Variants in CAMTA1 observed in about 807,000 individuals in gnomAD.
CAMTA1 encodes the protein calmodulin-binding transcription activator 1.
CAMTA1 carries 27 observed loss-of-function variants against 170.9 expected under a neutral mutation model. The observed-to-expected ratio is 0.16, with a 90% CI of 0.12 to 0.22. CAMTA1 has a LOEUF of 0.22. Among genes scored for constraint, CAMTA1 ranks in the 10% least tolerant of loss-of-function variants. CAMTA1 has a pLI of 1.00. For missense variants in CAMTA1, 1,619 were observed against 2,217.2 expected, an observed-to-expected ratio of 0.73 and a Z score of 5.42; for synonymous variants, 833 against 891.5, an observed-to-expected ratio of 0.93 and a Z score of 1.17.
intron 5 of CAMTA1, among the ~76,000 whole-genome samples, chr1:7,459,918 G>A (rs927338108): frequency 6.6e-6 from 1 of 152,246 alleles, no homozygotes; most frequent in Non-Finnish European, 1.5e-5. Flanking sequence ...CAAAGTTCTA[G>A]TCCTGAGCCT....
intron 3 of CAMTA1, among the ~76,000 whole-genome samples, chr1:7,003,372 T>C (rs567413789): frequency 1.1e-4 from 16 of 152,376 alleles, no homozygotes; most frequent in African/African-American, 3.8e-4. Context: ...ATTTGTATGC[T>C]TTGATTCTGC....
At chr1:7,218,481 C>T (rs554737606) in intron 4 of CAMTA1, among the ~76,000 whole-genome samples, 2 of 151,940 alleles carry the variant, frequency 1.3e-5, no homozygotes, top group Non-Finnish European at 2.9e-5. Context: ...GGGGGAGGGG[C>T]GGGAGGAGTT....
intron 10 of CAMTA1, chr1:7,671,982 T>C (rs896228646): frequency 1.1e-5 from 5 of 455,914 alleles, no homozygotes; most frequent in Non-Finnish European, 2.2e-5. Context: ...GAAGCCTGTT[T>C]CTAGAGCTCA....
In CAMTA1 at chr1:7,685,385, T is replaced by C. The variant is rs998107412; in HGVS notation, c.2914+7652T>C. Among the ~76,000 whole-genome samples the C allele has an allele frequency of 6.6e-6, 1 of 152,168 alleles. No homozygotes were observed. On this transcript the variant is annotated intron_variant, in intron 11 of 22. Transcript: ENST00000303635. The surrounding 1 kb of genome is among the most constrained non-coding windows in gnomAD (Gnocchi z 5.7). ...GATAGGGCGGCCTCCCACAGCCACC[T>C]GCCATGAACACACTGACCAGCTTGG... is the stretch of plus-strand genomic sequence containing the variant.
intron 3 of CAMTA1, among the ~76,000 whole-genome samples, chr1:6,898,311 T>C (rs1455034428): frequency 6.6e-6 from 1 of 152,164 alleles, no homozygotes; most frequent in African/African-American, 2.4e-5. Context: ...CTCAGCACTC[T>C]GGGAGGCCGA....
chr1:7,456,998 C>T lies in CAMTA1; in HGVS notation c.439-10832C>T, dbSNP rs1168461932. Among the ~76,000 whole-genome samples the T allele has an allele frequency of 6.6e-6, 1 of 151,456 alleles. No individual in the cohort carries two copies. The highest frequency in any genetic ancestry group is 1.5e-5 in the Non-Finnish European group (1 of 67,934). On this transcript the variant is annotated intron_variant, in intron 5 of 22. Coordinates refer to ENST00000303635, the MANE Select transcript of CAMTA1 (RefSeq NM_015215.4). This position sits in a 1 kb window ranked among gnomAD's most constrained non-coding sequence, Gnocchi z 4.9. ...GTTCGGCGCCGCCCTCCCGTTCCTC[C>T]TCCCTCCCATTCTTCCTCCCTCCCT...
Position 6,934,630 on chromosome 1 carries a change from C to G in CAMTA1, c.234+109420C>G, listed in dbSNP as rs2149389276. 6.6e-6 allele frequency among the ~76,000 whole-genome samples: 1 copy of G among 152,306 alleles called. No homozygotes were observed. The highest frequency in any genetic ancestry group is 1.5e-5 in the Non-Finnish European group (1 of 68,020). On this transcript the variant is annotated intron_variant, in intron 3 of 22. Coordinates refer to ENST00000303635, the MANE Select transcript of CAMTA1 (RefSeq NM_015215.4). The surrounding 1 kb of genome is among the most constrained non-coding windows in gnomAD (Gnocchi z 4.5). ...CCTTCCAGGGGAGACCTGTGGCCGGCAGGAGCTGCCCGAGATCCCGGGGCA... is the reference window on the plus strand; with the variant it reads ...CCTTCCAGGGGAGACCTGTGGCCGGGAGGAGCTGCCCGAGATCCCGGGGCA...
Position 7,203,494 on chromosome 1 carries a change from T to G in CAMTA1, c.303-45997T>G, listed in dbSNP as rs1303564361. On this transcript the variant is annotated intron_variant, in intron 4 of 22. Coordinates refer to ENST00000303635, the MANE Select transcript of CAMTA1 (RefSeq NM_015215.4). ...TGGGTTTTTCCTTGTGGGTAGTTTT[T>G]TTTTTTTTTTTTAAATTGCCTATTC... Among the ~76,000 whole-genome samples the G allele has an allele frequency of 2.0e-5, 3 of 151,526 alleles. No individual in the cohort carries two copies. In the East Asian group the frequency reaches 5.8e-4, roughly 29 times the overall value.
intron 3 of CAMTA1, among the ~76,000 whole-genome samples, chr1:7,020,406 G>A (rs1171976106): frequency 6.6e-6 from 1 of 152,240 alleles, no homozygotes; most frequent in Non-Finnish European, 1.5e-5. Context: ...TAGGCTGGAT[G>A]AGTCTAGCCT....
intron 4 of CAMTA1, among the ~76,000 whole-genome samples, chr1:7,226,591 T>G (rs1414515879): frequency 6.6e-6 from 1 of 152,172 alleles, no homozygotes; most frequent in African/African-American, 2.4e-5. Flanking sequence ...GGTCAAGGTT[T>G]TAGAGAACTC....
chr1:7,472,262 C>T (rs1275035263), intron 6 of CAMTA1, among the ~76,000 whole-genome samples: 1 of 152,126 alleles, frequency 6.6e-6, no homozygotes, highest in Non-Finnish European at 1.5e-5. Flanking sequence ...TCGGGGCTCC[C>T]ACATCACTGG....
At chr1:7,608,825 G>T (rs540594027) in intron 6 of CAMTA1, among the ~76,000 whole-genome samples, 1 of 152,196 alleles carries the variant, frequency 6.6e-6, no homozygotes, top group African/African-American at 2.4e-5. Flanking sequence ...GGGCCCCAGG[G>T]GCCTCAGCCG....
chr1:7,548,942 G>C (rs1203409392), intron 6 of CAMTA1, among the ~76,000 whole-genome samples: 1 of 137,336 alleles, frequency 7.3e-6, no homozygotes, highest in East Asian at 2.3e-4. Flanking sequence ...TGCTGGTGTA[G>C]GGTGTCCCCT....
intron 3 of CAMTA1, among the ~76,000 whole-genome samples, chr1:6,925,364 A>T (rs1682889161): frequency 6.6e-6 from 1 of 152,242 alleles, no homozygotes; most frequent in African/African-American, 2.4e-5. Context: ...GTGCAAAAAA[A>T]GGGTCACTTC....
Position 7,744,860 on chromosome 1 carries a change from A to G in CAMTA1, c.4208A>G (p.His1403Arg). ...GTGAACATGATGACCTTGGCAGAAC[A>G]CATTATTGAAGCCACACCTGACCGA... ...IQVNMMTLAE[H>R]IIEATPDRIK... The change falls in exon 17 of 23, where the codon CAC becomes CGC. Residue 1403 changes from histidine to arginine, a missense_variant. Physicochemically the swap from His to Arg is conservative, Grantham distance 29. Transcript: ENST00000303635. 1 of 1,613,840 alleles carries G rather than the reference A, an allele frequency of 6.2e-7. No homozygotes were observed. Among genetic ancestry groups the G allele is most frequent in the African/African-American group, 1.3e-5 (1 of 74,994 alleles).
chr1:7,468,664 T>A (rs1011952352), intron 6 of CAMTA1, among the ~76,000 whole-genome samples: 4 of 152,238 alleles, frequency 2.6e-5, no homozygotes, highest in Non-Finnish European at 4.4e-5. Flanking sequence ...CTGTTCTTGG[T>A]AGAACCCATT....
rs1483296638 is a variant in CAMTA1, at chr1:7,664,593, G to A, written c.2046G>A (p.Gln682=). The A allele has an allele frequency of 6.2e-7, 1 of 1,612,308 alleles. No individual in the cohort carries two copies. The highest frequency in any genetic ancestry group is 8.5e-7 in the Non-Finnish European group (1 of 1,179,350). The stretch of plus-strand genomic sequence containing the variant: ...TCATGCAGTTCCAGGCCAACTTCCA[G>A]GCCATGACGGCAGAAGGGGAGGTCA... ...LHLMQFQANF[Q]AMTAEGEVTM... Residue 682 remains glutamine (Q), a synonymous_variant, in exon 9 of 23, where the codon CAG becomes CAA. Transcript: ENST00000303635.
At chr1:7,400,547 T>A (rs2089813868) in intron 5 of CAMTA1, among the ~76,000 whole-genome samples, 1 of 152,188 alleles carries the variant, frequency 6.6e-6, no homozygotes, top group African/African-American at 2.4e-5. Context: ...CTTTGTTGTT[T>A]TTTTTTCATG....
intron 5 of CAMTA1, among the ~76,000 whole-genome samples, chr1:7,250,068 C>A (rs1666389646): frequency 6.6e-6 from 1 of 152,146 alleles, no homozygotes; most frequent in African/African-American, 2.4e-5. Flanking sequence ...CACCGACAAA[C>A]CCTGGGTGTG....
Sources: gnomAD v4.1 joint callset for allele counts (sites outside exome capture counted in the v4.1 genomes callset) on GRCh38, gnomAD v4.1.1 for gene constraint, Gnocchi (gnomAD v3.1) non-coding constraint, MANE v1.5 for transcripts, NCBI Gene and HGNC (gene_info 2026-07-23, HGNC 2026-07-21) for gene names.